The following RANBP2 variants were observed in gnomAD, a reference collection of about 807,000 sequenced individuals.
RANBP2 encodes RAN binding protein 2, also known as E3 SUMO-protein ligase RanBP2.
Under a neutral mutation model 303.6 loss-of-function variants are expected in RANBP2, and 57 were observed. That is an observed-to-expected ratio of 0.19 (90% CI 0.15 to 0.23). The LOEUF is 0.23. Ranked by LOEUF, RANBP2 falls within the 10% of genes least tolerant of loss-of-function variation. The pLI is 1.00. For synonymous variants in RANBP2, 1,167 were observed against 1,301.5 expected (o/e 0.90, Z 2.23); for missense variants, 3,138 against 3,780.8 (o/e 0.83, Z 4.46).
the RANBP2 span, among the ~76,000 whole-genome samples, chr2:109,582,728 C>A: frequency 1.8e-4 from 27 of 152,152 alleles, no homozygotes; most frequent in Admixed American, 6.5e-4. Context: ...CAAAGCAATA[C>A]TAAGCAAAAG....
the RANBP2 span, among the ~76,000 whole-genome samples, chr2:109,458,855 G>A: frequency 6.6e-6 from 1 of 152,142 alleles, no homozygotes. Flanking sequence ...TAACACATTT[G>A]CCAAATGCCT....
the RANBP2 span, among the ~76,000 whole-genome samples, chr2:109,742,898 T>C: frequency 6.7e-6 from 1 of 148,556 alleles, no homozygotes; most frequent in Non-Finnish European, 1.5e-5. Context: ...CCAACAGGTA[T>C]AGTCAACTGA....
chr2:109,025,887 C>T, the RANBP2 span, among the ~76,000 whole-genome samples: 1 of 152,054 alleles, frequency 6.6e-6, no homozygotes, highest in Admixed American at 6.5e-5. Flanking sequence ...TCCTAGATTT[C>T]TAGTTTTTCA....
chr2:109,195,548 A>T, the RANBP2 span, among the ~76,000 whole-genome samples: 14 of 152,190 alleles, frequency 9.2e-5, no homozygotes, highest in African/African-American at 3.1e-4. Context: ...TAAGTTTCCC[A>T]TTTGCACCTA....
chr2:108,752,069 T>G (rs1675927388), intron 12 of RANBP2, 75 bp downstream of exon 12: 4 of 1,600,138 alleles, frequency 2.5e-6, no homozygotes, highest in Non-Finnish European at 3.4e-6. Context: ...TTATTGAAAG[T>G]TTTTTTGTTC....
the RANBP2 span, among the ~76,000 whole-genome samples, chr2:109,219,493 T>A: frequency 6.6e-6 from 1 of 151,370 alleles, no homozygotes; most frequent in Admixed American, 6.6e-5. Context: ...GCTTCCAAAT[T>A]GGAAAAAAAA....
At chr2:108,929,468 C>A in the RANBP2 span, 1 of 1,362,738 alleles carries the variant, frequency 7.3e-7, no homozygotes, top group Non-Finnish European at 1.0e-6. Flanking sequence ...AGTGACGTGC[C>A]AGCTGTCTCC....
chr2:108,740,427 A>C (rs2693118), intron 6 of RANBP2, 62 bp from the exon 7 acceptor site: 12 of 1,595,152 alleles, frequency 7.5e-6, no homozygotes, highest in Middle Eastern at 2.3e-4. Context: ...TGAATTAAAT[A>C]AACCATGATT....
chr2:109,007,044 CTG>C, the RANBP2 span, among the ~76,000 whole-genome samples: 17 of 152,164 alleles, frequency 1.1e-4, no homozygotes, highest in African/African-American at 3.9e-4. Context: ...ACAGAAGACT[CTG>C]TACTCTGATT....
the RANBP2 span, among the ~76,000 whole-genome samples, chr2:109,063,372 C>G: frequency 1.3e-5 from 2 of 152,164 alleles, no homozygotes; most frequent in Non-Finnish European, 2.9e-5. Context: ...TTCAGGAGCC[C>G]TGGGAGATCT....
At chr2:109,088,804 G>T in the RANBP2 span, among the ~76,000 whole-genome samples, 1 of 152,208 alleles carries the variant, frequency 6.6e-6, no homozygotes, top group Non-Finnish European at 1.5e-5. Context: ...GAGCCACCAT[G>T]CCCGGCCAGT....
At chr2:109,315,487 G>T in the RANBP2 span, among the ~76,000 whole-genome samples, 2 of 152,254 alleles carry the variant, frequency 1.3e-5, no homozygotes, top group South Asian at 4.1e-4. Flanking sequence ...GAGGCAGTAA[G>T]GAACTGTCTC....
At chr2:109,049,644 A>G in the RANBP2 span, among the ~76,000 whole-genome samples, 2 of 152,188 alleles carry the variant, frequency 1.3e-5, no homozygotes, top group Non-Finnish European at 2.9e-5. Context: ...ATGGGATCTG[A>G]TTAAATTGCT....
At chr2:109,328,565 G>A in the RANBP2 span, among the ~76,000 whole-genome samples, 8 of 152,146 alleles carry the variant, frequency 5.3e-5, no homozygotes, top group Non-Finnish European at 7.4e-5. Context: ...CTCTGATTTC[G>A]ACAGTGCATT....
intron 12 of RANBP2, among the ~76,000 whole-genome samples, chr2:108,752,284 G>T (rs1675945275): frequency 6.6e-6 from 1 of 151,792 alleles, no homozygotes; most frequent in Non-Finnish European, 1.5e-5. Context: ...TTAGCACAAG[G>T]CTTTGTAGGT....
chr2:109,715,302 T>G, the RANBP2 span, among the ~76,000 whole-genome samples: 1 of 151,986 alleles, frequency 6.6e-6, no homozygotes, highest in Admixed American at 6.6e-5. Flanking sequence ...GAGACTGGAT[T>G]TCATCATGTT....
the RANBP2 span, among the ~76,000 whole-genome samples, chr2:108,874,041 GC>G: frequency 2.0e-5 from 3 of 152,084 alleles, no homozygotes; most frequent in African/African-American, 7.2e-5. Context: ...TGTTTCTATA[GC>G]TCATTTCAGA....
the RANBP2 span, among the ~76,000 whole-genome samples, chr2:109,599,043 TA>T: frequency 6.6e-6 from 1 of 152,266 alleles, no homozygotes; most frequent in South Asian, 2.1e-4. Context: ...CAAGTTAAAA[TA>T]AAGTTACAGG....
chr2:108,915,176 T>A, the RANBP2 span, among the ~76,000 whole-genome samples: 1 of 152,188 alleles, frequency 6.6e-6, no homozygotes, highest in Non-Finnish European at 1.5e-5. Context: ...AGTGCTGGGA[T>A]TACAGGTGTG....
Sources: allele counts gnomAD v4.1 joint callset (sites outside exome capture counted in the v4.1 genomes callset), GRCh38; gene constraint gnomAD v4.1.1; transcripts MANE v1.5; gene names NCBI Gene and HGNC (gene_info 2026-07-23, HGNC 2026-07-21).